RBAK: variants seen among roughly 807,000 people sequenced by gnomAD.
The protein encoded by RBAK is RB associated KRAB zinc finger, also known as RB-associated KRAB zinc finger protein.
In RBAK, 39 loss-of-function variants were observed where a neutral mutation model predicts 65.8. The ratio of observed to expected loss-of-function variants is 0.59; its 90% CI spans 0.46 to 0.77. The LOEUF is 0.77. Ranked by LOEUF, RBAK falls within the 30% of genes least tolerant of loss-of-function variation. The probability of loss-of-function intolerance (pLI) is 0.00; values close to 1 mark genes in which losing one functional copy is unlikely to be tolerated. For synonymous variants in RBAK, 343 were observed against 289.7 expected (o/e 1.18, Z -1.87); for missense variants, 884 against 855.1 (o/e 1.03, Z -0.42).
rs1232656974 is a variant in RBAK at position 5,068,332 on chromosome 7, C to G, written c.*2731C>G. The stretch of plus-strand genomic sequence containing the variant: ...TGGCAGTCTGGATTTGGTCTGCACT[C>G]ATAGTTTTCTGGTCCCTGATCTCGA... On this transcript the variant is annotated 3_prime_UTR_variant, in exon 5 of 5. Transcript: ENST00000396912. 2 of 152,128 alleles carry G rather than the reference C, an allele frequency of 1.3e-5. No homozygotes were observed. Among genetic ancestry groups the G allele is most frequent in the Non-Finnish European group, 2.9e-5 (2 of 68,024 alleles). 9.4% of individuals were successfully genotyped at this position (152,128 alleles called of 1,614,324 possible).
intron 4 of RBAK, among the ~76,000 whole-genome samples, chr7:5,063,249 AG>A (rs1779121662): frequency 6.6e-6 from 1 of 152,366 alleles, no homozygotes; most frequent in South Asian, 2.1e-4. Flanking sequence ...GGCTTCAGCC[AG>A]TCCCTCCGTT....
chr7:5,051,328 A>G (rs1481987124), intron 2 of RBAK, among the ~76,000 whole-genome samples: 3 of 152,164 alleles, frequency 2.0e-5, no homozygotes, highest in African/African-American at 7.2e-5. Flanking sequence ...GCATATATAC[A>G]TATATGTGTG....
In RBAK at chr7:5,068,117, T is replaced by C. The variant is rs951302262; in HGVS notation, c.*2516T>C. On this transcript the variant is annotated 3_prime_UTR_variant, in exon 5 of 5. Coordinates refer to ENST00000396912, the MANE Select transcript of RBAK (RefSeq NM_021163.4). The stretch of plus-strand genomic sequence containing the variant: ...GGGAGGAGAAGATATTTGCAGTTCA[T>C]GTATGTGACAACAGCACCGAGTATA... The C allele has an allele frequency of 2.6e-5, 4 of 152,184 alleles. No homozygotes were observed. Among genetic ancestry groups the C allele is most frequent in the African/African-American group, 9.7e-5 (4 of 41,440 alleles). 9.4% of individuals were successfully genotyped at this position (152,184 alleles called of 1,614,324 possible).
At chr7:5,063,500 TGTGTGTGTG>T (rs1779129573) in intron 4 of RBAK, among the ~76,000 whole-genome samples, 186 bp from the exon 5 acceptor site, 4 of 152,054 alleles carry the variant, frequency 2.6e-5, no homozygotes, top group Non-Finnish European at 5.9e-5. Context: ...TGTGTGTGTG[TGTGTGTGTG>T]TGTGTTTCTG....
At chr7:5,059,928 C>G (rs1223465097) in intron 4 of RBAK, among the ~76,000 whole-genome samples, 1 of 152,010 alleles carries the variant, frequency 6.6e-6, no homozygotes, top group African/African-American at 2.4e-5. Context: ...ATTATATATT[C>G]AAAGATTATA....
At position 5,057,306 on chromosome 7, in the gene RBAK, A is replaced by C. The variant is rs146143368; in HGVS notation, c.27A>C (p.Ser9=). ...TGTTGCCATTACAGGGGCCAGTGTC[A>C]TTCAAAGATGTGGCTGTGGATTTCA... MNTLQGPV[S]FKDVAVDFTQ... Residue 9 remains serine, a synonymous_variant, in exon 3 of 5, where the codon TCA becomes TCC. Coordinates refer to ENST00000396912, the MANE Select transcript of RBAK (RefSeq NM_021163.4). 1 of 1,613,838 alleles carries C rather than the reference A, an allele frequency of 6.2e-7. No homozygotes were observed. Among genetic ancestry groups the C allele is most frequent in the African/African-American group, 1.3e-5 (1 of 74,858 alleles).
At position 5,048,028 on chromosome 7, in the gene RBAK, T is replaced by C. The variant is rs1428418339; in HGVS notation, c.-44-5T>C. The C allele has an allele frequency of 6.6e-7, 1 of 1,517,624 alleles. No homozygotes were observed. The highest frequency in any genetic ancestry group is 1.4e-5 in the African/African-American group (1 of 71,368). The allele number at this position is 1,517,624 out of a possible 1,614,324, so 94.0% of individuals were successfully genotyped here. On this transcript the variant is annotated splice_region_variant and splice_polypyrimidine_tract_variant and intron_variant, in intron 1 of 4. Transcript: ENST00000396912. This position sits in a 1 kb window ranked among gnomAD's most constrained non-coding sequence, Gnocchi z 4.4. ...GACTTCAGTGACCTGCTTCTCCCCC[T>C]CTAGGTCTACCAGCCACAGTCTCTG...
chr7:5,051,633 T>G (rs1214002181), intron 2 of RBAK, among the ~76,000 whole-genome samples: 1 of 152,248 alleles, frequency 6.6e-6, no homozygotes, highest in Non-Finnish European at 1.5e-5. Flanking sequence ...TCATGCTTTT[T>G]AAGGCTGTTT....
chr7:5,064,786 C>G lies in RBAK; in HGVS notation c.1330C>G (p.Leu444Val). Residue 444 changes from leucine (L) to valine (V), a missense_variant, in exon 5 of 5, where the codon CTC (leucine) becomes GTC (valine). Physicochemically the swap from Leu to Val is conservative, Grantham distance 32. Coordinates refer to ENST00000396912, the MANE Select transcript of RBAK (RefSeq NM_021163.4). The surrounding 1 kb of genome is among the most constrained non-coding windows in gnomAD (Gnocchi z 6.3). Reference protein sequence around the residue: ...CGKFFSRVSYLTIHYRSHLEE... With the variant: ...CGKFFSRVSYVTIHYRSHLEE... ...GAAATTCTTTTCTCGGGTGTCATAC[C>G]TCACTATACATTATAGAAGTCATTT... 2 of 1,613,996 alleles carry G rather than the reference C, an allele frequency of 1.2e-6. No homozygotes were observed. Among genetic ancestry groups the G allele is most frequent in the Non-Finnish European group, 1.7e-6 (2 of 1,179,886 alleles).
At position 5,067,678 on chromosome 7, in the gene RBAK, ACCTGT is replaced by A. The variant is rs1375303085; in HGVS notation, c.*2078_*2082del. On this transcript the variant is annotated 3_prime_UTR_variant, in exon 5 of 5. Transcript: ENST00000396912. ...AGGATTGAAATTTCTAAATATCAAG[ACCTGT>A]TATAAAGCCATAGAAATAATGAAGG... is the stretch of plus-strand genomic sequence containing the variant. The A allele has an allele frequency of 6.6e-6, 1 of 152,216 alleles. No individual in the cohort carries two copies. The highest frequency in any genetic ancestry group is 1.5e-5 in the Non-Finnish European group (1 of 68,038). 9.4% of individuals were successfully genotyped at this position (152,216 alleles called of 1,614,324 possible).
intron 2 of RBAK, among the ~76,000 whole-genome samples, chr7:5,049,424 C>T (rs1240576810): frequency 6.6e-6 from 1 of 152,228 alleles, no homozygotes; most frequent in East Asian, 1.9e-4. Context: ...TACAGTTACT[C>T]TCTTGTGAAG....
At chr7:5,047,567 A>G (rs1049882297) in intron 1 of RBAK, among the ~76,000 whole-genome samples, 83 of 150,988 alleles carry the variant, frequency 5.5e-4, no homozygotes, top group Non-Finnish European at 9.0e-4. Context: ...CAAAGTTACA[A>G]GTGCATGCTT....
chr7:5,064,476 A>G lies in RBAK; in HGVS notation c.1020A>G (p.Ser340=). The change falls in exon 5 of 5, where the codon TCA becomes TCG. Residue 340 remains serine (S), a synonymous_variant. Transcript: ENST00000396912. The surrounding 1 kb of genome is among the most constrained non-coding windows in gnomAD (Gnocchi z 6.3). ...TCACTCAACACCTAAGAACTCATTC[A>G]GGAGAGAAACCCTACGAATGTAGCG... ...LHLTQHLRTH[S]GEKPYECSEC... 2.5e-6 allele frequency: 4 copies of G among 1,614,106 alleles called. No homozygotes were observed. The highest frequency in any genetic ancestry group is 3.4e-6 in the Non-Finnish European group (4 of 1,179,994).
intron 2 of RBAK, among the ~76,000 whole-genome samples, chr7:5,050,673 C>G (rs1188791925): frequency 6.6e-6 from 1 of 152,128 alleles, no homozygotes; most frequent in African/African-American, 2.4e-5. Context: ...CTCCTGTGCT[C>G]AAGTGATCCT....
rs1216623336 is a variant in RBAK at position 5,064,139 on chromosome 7, T to G, written c.683T>G (p.Ile228Arg). The G allele has an allele frequency of 6.2e-7, 1 of 1,613,986 alleles. No homozygotes were observed. Among genetic ancestry groups the G allele is most frequent in the East Asian group, 2.2e-5 (1 of 44,872 alleles). The change falls in exon 5 of 5, where the codon ATA (isoleucine) becomes AGA (arginine). Residue 228 changes from isoleucine (I) to arginine (R), a missense_variant. Ile to Arg is a moderately conservative substitution (Grantham distance 97, BLOSUM62 -3). Coordinates refer to ENST00000396912, the MANE Select transcript of RBAK (RefSeq NM_021163.4). This position sits in a 1 kb window ranked among gnomAD's most constrained non-coding sequence, Gnocchi z 6.3. The part of the protein sequence containing the change: ...AVFIAHKRAY[I>R]GEKPYEWNDS... ...TTTATTGCTCATAAGAGAGCTTACATAGGGGAGAAGCCCTATGAGTGGAAT... is the reference window on the plus strand; with the variant it reads ...TTTATTGCTCATAAGAGAGCTTACAGAGGGGAGAAGCCCTATGAGTGGAAT...
At chr7:5,051,967 C>T (rs1788125887) in intron 2 of RBAK, among the ~76,000 whole-genome samples, 1 of 152,126 alleles carries the variant, frequency 6.6e-6, no homozygotes. Context: ...CTACTTGTAT[C>T]AATTGTTGGG....
rs1267557828 is a variant in RBAK at position 5,066,148 on chromosome 7, A to G, written c.*547A>G. 5 of 152,754 alleles carry G rather than the reference A, an allele frequency of 3.3e-5. No homozygotes were observed. The East Asian group carries it at 7.7e-4, about 24-fold the overall frequency. 9.5% of individuals were successfully genotyped at this position (152,754 alleles called of 1,614,324 possible). A position where few individuals can be genotyped will look rare whatever the true frequency, so the allele number is the denominator to read the frequency against. ...AAAAATGCAATCTAATGGTAATTCT[A>G]TGCAAGTTTGGAATTGGATGACTTG... On this transcript the variant is annotated 3_prime_UTR_variant, in exon 5 of 5. Transcript: ENST00000396912.
chr7:5,060,016 G>A (rs1256956577), intron 4 of RBAK, among the ~76,000 whole-genome samples: 2 of 152,146 alleles, frequency 1.3e-5, no homozygotes, highest in Non-Finnish European at 2.9e-5. Flanking sequence ...TATGCTCTGA[G>A]TATAAGCTCT....
In RBAK at chr7:5,065,095, T is replaced by G; in HGVS notation, c.1639T>G (p.Leu547Val). 4.3e-6 allele frequency: 7 copies of G among 1,613,994 alleles called. No individual in the cohort carries two copies. Among genetic ancestry groups the G allele is most frequent in the Non-Finnish European group, 5.9e-6 (7 of 1,179,950 alleles). ...KSYECNVCGK[L>V]FNELSYYTEH... The stretch of plus-strand genomic sequence containing the variant: ...CTATGAATGTAATGTATGTGGAAAG[T>G]TATTCAATGAGTTGTCATACTATAC... Residue 547 changes from leucine (L) to valine (V), a missense_variant, in exon 5 of 5, where the codon TTA becomes GTA. Leu to Val is a conservative substitution (Grantham distance 32, BLOSUM62 1). Transcript: ENST00000396912. This position sits in a 1 kb window ranked among gnomAD's most constrained non-coding sequence, Gnocchi z 5.3.
Sources: allele counts gnomAD v4.1 joint callset (sites outside exome capture counted in the v4.1 genomes callset), GRCh38; gene constraint gnomAD v4.1.1; non-coding constraint Gnocchi (gnomAD v3.1); transcripts MANE v1.5; gene names NCBI Gene and HGNC (gene_info 2026-07-23, HGNC 2026-07-21).